The following BCL7C variants were observed in gnomAD, a reference collection of about 807,000 sequenced individuals.
The protein encoded by BCL7C is BAF chromatin remodeling complex subunit BCL7C.
In BCL7C, 8 loss-of-function variants were observed where a neutral mutation model predicts 26.2. The observed-to-expected ratio is 0.30, with a 90% CI of 0.18 to 0.55. The LOEUF (loss-of-function observed/expected upper bound fraction) is 0.55, where lower values mean the gene tolerates loss of function less well. BCL7C is among the 20% of genes least tolerant of loss of function. The pLI is 0.93. For synonymous variants in BCL7C, 90 were observed against 116.5 expected (o/e 0.77, Z 1.47); for missense variants, 262 against 298.5 (o/e 0.88, Z 0.90).
chr16:30,846,763 G>T (rs2054639025), intron 5 of BCL7C, among the ~76,000 whole-genome samples: 1 of 152,202 alleles, frequency 6.6e-6, no homozygotes, highest in Non-Finnish European at 1.5e-5. Flanking sequence ...GATGGATTTG[G>T]GGATTTATTT....
intron 4 of BCL7C, among the ~76,000 whole-genome samples, chr16:30,889,778 A>G (rs1435081303): frequency 6.6e-6 from 1 of 152,100 alleles, no homozygotes; most frequent in Non-Finnish European, 1.5e-5. Context: ...TCTATAAAGA[A>G]TAACAACACT....
chr16:30,835,229 T>C (rs2054562335), intron 5 of BCL7C: 1 of 1,289,066 alleles, frequency 7.8e-7, no homozygotes, highest in East Asian at 2.7e-5. Context: ...GTCCCATTTA[T>C]GACTTCCAAA....
At chr16:30,842,962 A>G (rs2054611790) in intron 5 of BCL7C, among the ~76,000 whole-genome samples, 1 of 152,152 alleles carries the variant, frequency 6.6e-6, no homozygotes, top group African/African-American at 2.4e-5. Flanking sequence ...GTTTTAACTG[A>G]AGTAAAATTG....
intron 5 of BCL7C, among the ~76,000 whole-genome samples, chr16:30,869,513 T>C (rs1327101640): frequency 6.7e-6 from 1 of 148,876 alleles, no homozygotes; most frequent in African/African-American, 2.5e-5. Context: ...CTCTTTCTTT[T>C]TTTTTTTTTT....
At chr16:30,881,939 A>T (rs1439250644) in intron 5 of BCL7C, among the ~76,000 whole-genome samples, 1 of 150,876 alleles carries the variant, frequency 6.6e-6, no homozygotes, top group Non-Finnish European at 1.5e-5. Flanking sequence ...GGCAGGTGCC[A>T]TGAGGGCAGG....
Position 30,833,627 on chromosome 16 carries a change from T to C in BCL7C, c.*1321A>G, listed in dbSNP as rs183446443. ...GAAGGCTCTACACAGGAGCTGGTCC[T>C]GGAATGGAGCTTCCTTCACCAACAT... is the stretch of plus-strand genomic sequence containing the variant. On this transcript the variant is annotated 3_prime_UTR_variant, in exon 6 of 6. Transcript: ENST00000380317. The C allele has an allele frequency of 2.6e-4, 40 of 152,220 alleles. No individual in the cohort carries two copies. The East Asian group carries it at 2.9e-3, about 11-fold the overall frequency. The allele number at this position is 152,220 out of a possible 1,614,324, so 9.4% of individuals were successfully genotyped here.
intron 5 of BCL7C, chr16:30,851,901 G>A (rs2054677996): frequency 4.8e-6 from 1 of 207,836 alleles, no homozygotes; most frequent in Non-Finnish European, 1.0e-5. Flanking sequence ...TTGTTGCATA[G>A]AATAAGAGAA....
chr16:30,843,323 G>T (rs1326611718), intron 5 of BCL7C, among the ~76,000 whole-genome samples: 1 of 152,210 alleles, frequency 6.6e-6, no homozygotes, highest in African/African-American at 2.4e-5. Flanking sequence ...CACTTTGGGA[G>T]GCTGAGGCAG....
At chr16:30,886,911 G>A (rs909579498), downstream of BCL7C, among the ~76,000 whole-genome samples, 7 of 152,138 alleles carry the variant, frequency 4.6e-5, no homozygotes, top group African/African-American at 1.4e-4. Flanking sequence ...GGTGGCTCAC[G>A]CCTGTAATCC....
intron 4 of BCL7C, among the ~76,000 whole-genome samples, chr16:30,889,730 G>A (rs2055195653): frequency 6.6e-6 from 1 of 152,070 alleles, no homozygotes; most frequent in Admixed American, 6.6e-5. Context: ...GAGCCTAGGA[G>A]TTTGAAACCA....
chr16:30,888,729 C>T, intron 5 of BCL7C, 131 bp downstream of exon 5: 1 of 764,854 alleles, frequency 1.3e-6, no homozygotes, highest in South Asian at 1.8e-5. Flanking sequence ...AGAACCCAGC[C>T]CCTAAGCCTT....
Position 30,892,637 on chromosome 16 carries a change from G to C in BCL7C, c.391C>G (p.Pro131Ala). 6.2e-7 allele frequency: 1 copy of C among 1,611,210 alleles called. No individual in the cohort carries two copies. Residue 131 changes from proline to alanine, a missense_variant, in exon 4 of 6, where the codon CCA (proline) becomes GCA (alanine). Transcript: ENST00000215115. ...PSRPVSPAGPPEGVPEEAQPP... is the reference protein window; with the variant it reads ...PSRPVSPAGPAEGVPEEAQPP... ...TGAGCCTCCTCAGGGACCCCTTCTG[G>C]GGGTCCGGCAGGTGACACAGGGCGG... is the stretch of plus-strand genomic sequence containing the variant.
intron 5 of BCL7C, chr16:30,835,258 A>G: frequency 9.7e-7 from 1 of 1,035,972 alleles, no homozygotes; most frequent in Non-Finnish European, 1.3e-6. Flanking sequence ...GTTGGTGGAA[A>G]GTCTTTTGCA....
intron 5 of BCL7C, among the ~76,000 whole-genome samples, chr16:30,865,260 C>T (rs1450217954): frequency 6.6e-6 from 1 of 151,126 alleles, no homozygotes; most frequent in Non-Finnish European, 1.5e-5. Context: ...CCCATAAGAA[C>T]TAATGATAAT....
rs1398860311 is a variant in BCL7C at position 30,893,265 on chromosome 16, C to T, written c.118G>A (p.Asp40Asn). ...RWEKRWVTVG[D>N]TSLRIFKWVP... is the part of the protein sequence containing the mutation. ...CACTTGAAGATACGAAGGGAAGTGT[C>T]GCCCACAGTCACCCATCGCTTCTCC... Residue 40 changes from aspartate (D) to asparagine (N), a missense_variant, in exon 2 of 6, where the codon GAC becomes AAC. Transcript: ENST00000215115. The surrounding 1 kb of genome is among the most constrained non-coding windows in gnomAD (Gnocchi z 5.2). 6.2e-7 allele frequency: 1 copy of T among 1,613,372 alleles called. No individual in the cohort carries two copies. Among genetic ancestry groups the T allele is most frequent in the Non-Finnish European group, 8.5e-7 (1 of 1,179,678 alleles).
chr16:30,838,372 G>GTAGA (rs1375692073), intron 5 of BCL7C, among the ~76,000 whole-genome samples: 1 of 152,202 alleles, frequency 6.6e-6, no homozygotes, highest in Non-Finnish European at 1.5e-5. Flanking sequence ...AGGTAGGTAG[G>GTAGA]TAGATAGATA....
intron 5 of BCL7C, among the ~76,000 whole-genome samples, chr16:30,862,362 G>T (rs1268350646): frequency 6.6e-6 from 1 of 152,036 alleles, no homozygotes; most frequent in Non-Finnish European, 1.5e-5. Context: ...CTTTCACTTG[G>T]ATTGACCCTG....
intron 5 of BCL7C, among the ~76,000 whole-genome samples, chr16:30,852,831 G>A (rs1174141231): frequency 6.6e-6 from 1 of 151,720 alleles, no homozygotes; most frequent in Admixed American, 6.6e-5. Context: ...TTGTCAATAA[G>A]CTCATTAATA....
chr16:30,859,875 G>C (rs566334910), intron 5 of BCL7C, among the ~76,000 whole-genome samples: 1 of 152,316 alleles, frequency 6.6e-6, no homozygotes, highest in South Asian at 2.1e-4. Flanking sequence ...AAATGCACAT[G>C]ACATTTGGTG....
Sources: gnomAD v4.1 joint callset for allele counts (sites outside exome capture counted in the v4.1 genomes callset) on GRCh38, gnomAD v4.1.1 for gene constraint, Gnocchi (gnomAD v3.1) non-coding constraint, MANE v1.5 for transcripts, NCBI Gene and HGNC (gene_info 2026-07-23, HGNC 2026-07-21) for gene names.